The following NT5C1B variants were observed in gnomAD, a reference collection of about 807,000 sequenced individuals.
The protein encoded by NT5C1B is cytosolic 5'-nucleotidase 1B.
NT5C1B carries 44 observed loss-of-function variants against 57.8 expected under a neutral mutation model. The observed-to-expected ratio is 0.76, with a 90% CI of 0.60 to 0.98. The LOEUF (loss-of-function observed/expected upper bound fraction) is 0.98, where lower values mean the gene tolerates loss of function less well. NT5C1B is among the 50% of genes least tolerant of loss of function. NT5C1B has a pLI of 0.00. For missense variants in NT5C1B, 742 were observed against 719.5 expected (o/e 1.03, Z -0.36); for synonymous variants, 284 against 282.6 (o/e 1.00, Z -0.05).
intron 1 of NT5C1B, 128 bp downstream of exon 1, chr2:18,589,311 T>G: frequency 7.8e-7 from 1 of 1,285,678 alleles, no homozygotes; most frequent in Non-Finnish European, 1.1e-6. Flanking sequence ...CCCTTCTCTT[T>G]TCCTCTACCT....
intron 1 of NT5C1B, among the ~76,000 whole-genome samples, 162 bp downstream of exon 1, chr2:18,589,277 C>T (rs1205422956): frequency 6.6e-6 from 1 of 152,178 alleles, no homozygotes; most frequent in East Asian, 1.9e-4. Context: ...CTTTTCTGTA[C>T]TCTTTCCATT....
At chr2:18,571,734 A>T (rs1416498163) in intron 8 of NT5C1B, among the ~76,000 whole-genome samples, 1 of 58,724 alleles carries the variant, frequency 1.7e-5, no homozygotes, top group Non-Finnish European at 3.4e-5. Context: ...ATATATATAT[A>T]TATATATATA....
chr2:18,574,365 A>G (rs1349187230), intron 8 of NT5C1B, among the ~76,000 whole-genome samples: 3 of 152,148 alleles, frequency 2.0e-5, no homozygotes, highest in Admixed American at 2.0e-4. Context: ...TGGAACCCTT[A>G]TACACTGTGG....
At chr2:18,576,681 C>G (rs1285486926) in intron 7 of NT5C1B, 92 bp downstream of exon 7, 2 of 1,561,628 alleles carry the variant, frequency 1.3e-6, no homozygotes, top group Non-Finnish European at 1.7e-6. Context: ...TCCAACAAGA[C>G]CATAAGCCTC....
Position 18,563,734 on chromosome 2 carries a change from G to T in NT5C1B, c.*62C>A. The T allele has an allele frequency of 2.8e-6, 4 of 1,434,554 alleles. No homozygotes were observed. In the South Asian group the frequency reaches 6.8e-5, roughly 24 times the overall value. 88.9% of individuals were successfully genotyped at this position (1,434,554 alleles called of 1,614,324 possible). A position where few individuals can be genotyped will look rare whatever the true frequency, so the allele number is the denominator to read the frequency against. On this transcript the variant is annotated 3_prime_UTR_variant, in exon 9 of 9. Coordinates refer to ENST00000304081, the Ensembl canonical transcript of NT5C1B. ...GAAATACCTATCTAATTATCCTAGA[G>T]AGCCAAAAGAAGTGGCTTCTGTAAC...
chr2:18,563,910 G>T (rs1300526637), exon 9 of NT5C1B: 1 of 1,614,184 alleles, frequency 6.2e-7, no homozygotes, highest in South Asian at 1.1e-5. Flanking sequence ...TCTTCACCAA[G>T]ATGGGACTTT....
At chr2:18,582,277 C>T (rs1261541290) in intron 6 of NT5C1B, among the ~76,000 whole-genome samples, 3 of 152,140 alleles carry the variant, frequency 2.0e-5, no homozygotes, top group African/African-American at 2.4e-5. Flanking sequence ...ACTTCACATA[C>T]CCATTTAGAA....
exon 3 of NT5C1B, chr2:18,586,308 T>C: frequency 6.2e-7 from 1 of 1,614,182 alleles, no homozygotes; most frequent in Non-Finnish European, 8.5e-7. Context: ...CCTTGGTGGA[T>C]GGGCTCCGGG....
chr2:18,578,782 G>T (rs1219567800), intron 6 of NT5C1B, among the ~76,000 whole-genome samples: 1 of 152,106 alleles, frequency 6.6e-6, no homozygotes, highest in East Asian at 1.9e-4. Context: ...CATAGTCCTT[G>T]AAGTCCTAGC....
chr2:18,584,357 C>T lies in NT5C1B; in HGVS notation c.724-102G>A. 6.5e-7 allele frequency: 1 copy of T among 1,548,336 alleles called. No homozygotes were observed. The highest frequency in any genetic ancestry group is 8.7e-7 in the Non-Finnish European group (1 of 1,149,870). On this transcript the variant is annotated intron_variant, in intron 4 of 8. Transcript: ENST00000304081. This position sits in a 1 kb window ranked among gnomAD's most constrained non-coding sequence, Gnocchi z 5.8. ...GTGAGAGTAGGACAGCGGGCCCCTGCTTGGAGAAGCGGGATGCTGGAGACA... is the reference window on the plus strand; with the variant it reads ...GTGAGAGTAGGACAGCGGGCCCCTGTTTGGAGAAGCGGGATGCTGGAGACA...
In NT5C1B at chr2:18,576,975, A is replaced by G. The variant is rs550099619; in HGVS notation, c.1022-80T>C. The G allele has an allele frequency of 1.6e-5, 25 of 1,587,790 alleles. No individual in the cohort carries two copies. In the South Asian group the frequency reaches 2.7e-4, roughly 17 times the overall value. On this transcript the variant is annotated intron_variant, in intron 6 of 8. Transcript: ENST00000304081. ...TAAATCCAAGTAAAAGTTACCTTAGAGATAACTGAGTTTATTTGTAAATTC... is the reference window on the plus strand; with the variant it reads ...TAAATCCAAGTAAAAGTTACCTTAGGGATAACTGAGTTTATTTGTAAATTC...
chr2:18,577,015 G>C, intron 6 of NT5C1B, 120 bp from the exon 7 acceptor site: 1 of 1,515,434 alleles, frequency 6.6e-7, no homozygotes, highest in South Asian at 1.2e-5. Context: ...GGCTTTATTT[G>C]TGAACCTAAA....
At chr2:18,587,185 T>C (rs774251716) in intron 2 of NT5C1B, 8 of 1,608,820 alleles carry the variant, frequency 5.0e-6, no homozygotes. Context: ...TGAAAGATTG[T>C]GCAGAAAGTG....
intron 1 of NT5C1B, among the ~76,000 whole-genome samples, chr2:18,589,192 G>T (rs1666981023): frequency 6.6e-6 from 1 of 152,110 alleles, no homozygotes; most frequent in Admixed American, 6.5e-5. Flanking sequence ...TGACTTATTG[G>T]AATCATTTAT....
intron 2 of NT5C1B, chr2:18,586,777 T>C: frequency 1.3e-6 from 1 of 779,640 alleles, no homozygotes; most frequent in Admixed American, 3.0e-5. Context: ...TACCAGACTG[T>C]AAAGGTGAGG....
chr2:18,583,843 A>G, intron 5 of NT5C1B: 2 of 689,348 alleles, frequency 2.9e-6, no homozygotes, highest in Non-Finnish European at 5.4e-6. Context: ...TACAAGTCTC[A>G]TGATTAGGAC....
At chr2:18,580,991 C>T (rs539996024) in intron 6 of NT5C1B, among the ~76,000 whole-genome samples, 42 of 152,256 alleles carry the variant, frequency 2.8e-4, no homozygotes, top group African/African-American at 8.2e-4. Flanking sequence ...TTGGGTAATA[C>T]GCTTATTACC....
intron 8 of NT5C1B, among the ~76,000 whole-genome samples, chr2:18,566,425 G>A (rs1186814524): frequency 2.6e-5 from 4 of 152,270 alleles, no homozygotes; most frequent in East Asian, 1.9e-4. Context: ...AAAAAAACAA[G>A]TAAATTTGCT....
chr2:18,563,962 C>T (rs200342649), exon 9 of NT5C1B: 1 of 1,614,208 alleles, frequency 6.2e-7, no homozygotes, highest in Non-Finnish European at 8.5e-7. Flanking sequence ...TATCTCTAGA[C>T]CCCAGCGTCG....
Sources: allele counts gnomAD v4.1 joint callset (sites outside exome capture counted in the v4.1 genomes callset), GRCh38; gene constraint gnomAD v4.1.1; non-coding constraint Gnocchi (gnomAD v3.1); transcripts MANE v1.5; gene names NCBI Gene and HGNC (gene_info 2026-07-23, HGNC 2026-07-21).